CACNG2: variants seen among roughly 807,000 people sequenced by gnomAD.
CACNG2 encodes the protein calcium voltage-gated channel auxiliary subunit gamma 2.
A neutral mutation model predicts 25.9 loss-of-function variants in CACNG2; 3 were observed. That is an observed-to-expected ratio of 0.12 (90% CI 0.05 to 0.30). The LOEUF is 0.30. Ranked by LOEUF, CACNG2 falls within the 10% of genes least tolerant of loss-of-function variation. CACNG2 has a pLI of 1.00. For missense variants in CACNG2, 341 were observed against 432.5 expected, an observed-to-expected ratio of 0.79 and a Z score of 1.88; for synonymous variants, 167 against 173.3, an observed-to-expected ratio of 0.96 and a Z score of 0.29.
chr22:36,624,572 T>A (rs1265105146), intron 1 of CACNG2, among the ~76,000 whole-genome samples: 1 of 152,196 alleles, frequency 6.6e-6, no homozygotes, highest in Non-Finnish European at 1.5e-5. Context: ...CTTTCTTTCC[T>A]GTTTCTGAAT....
chr22:36,605,400 G>A (rs1935816044), intron 1 of CACNG2, among the ~76,000 whole-genome samples: 1 of 152,152 alleles, frequency 6.6e-6, no homozygotes, highest in Admixed American at 6.5e-5. Flanking sequence ...TATGCACTAG[G>A]AAACCAAAAA....
chr22:36,612,025 G>T (rs1362001522), intron 1 of CACNG2, among the ~76,000 whole-genome samples: 1 of 152,186 alleles, frequency 6.6e-6, no homozygotes, highest in East Asian at 1.9e-4. Flanking sequence ...TAATGTGGGT[G>T]GTTCCAGGGC....
intron 1 of CACNG2, among the ~76,000 whole-genome samples, chr22:36,610,847 G>T (rs1011918872): frequency 6.6e-6 from 1 of 152,178 alleles, no homozygotes; most frequent in African/African-American, 2.4e-5. Flanking sequence ...TGGGGAGACC[G>T]CCAAGGCCTC....
chr22:36,639,402 G>C (rs1270619955), intron 1 of CACNG2, among the ~76,000 whole-genome samples: 5 of 152,168 alleles, frequency 3.3e-5, no homozygotes, highest in Non-Finnish European at 7.3e-5. Context: ...GGACAGGAGG[G>C]GAAAGCGTTT....
chr22:36,636,580 T>C (rs981791540), intron 1 of CACNG2, among the ~76,000 whole-genome samples: 1 of 152,208 alleles, frequency 6.6e-6, no homozygotes, highest in African/African-American at 2.4e-5. Flanking sequence ...ATAGATCTGA[T>C]ATTGAATTTG....
intron 1 of CACNG2, among the ~76,000 whole-genome samples, chr22:36,688,080 A>G (rs938224943): frequency 6.6e-6 from 1 of 152,194 alleles, no homozygotes. Flanking sequence ...GGGTAAAATG[A>G]GAATCCTAAC....
intron 1 of CACNG2, among the ~76,000 whole-genome samples, chr22:36,617,282 T>C (rs1296728407): frequency 6.6e-6 from 1 of 152,236 alleles, no homozygotes; most frequent in African/African-American, 2.4e-5. Flanking sequence ...GAAACTATTT[T>C]TTAAAAATCC....
intron 1 of CACNG2, among the ~76,000 whole-genome samples, chr22:36,660,707 C>T (rs1235313003): frequency 6.6e-6 from 1 of 152,178 alleles, no homozygotes; most frequent in African/African-American, 2.4e-5. Context: ...ACAAAGTGCC[C>T]CAGTTGAAAG....
intron 2 of CACNG2, among the ~76,000 whole-genome samples, chr22:36,576,548 A>C (rs943094612): frequency 2.5e-4 from 37 of 147,766 alleles, no homozygotes; most frequent in African/African-American, 8.5e-4. Context: ...AAAAAAAAAA[A>C]CACTCCAAAA....
chr22:36,616,531 G>A (rs956320563), intron 1 of CACNG2, among the ~76,000 whole-genome samples: 6 of 152,178 alleles, frequency 3.9e-5, no homozygotes, highest in Admixed American at 3.9e-4. Context: ...GGAAACTAGA[G>A]AGTATTGCTG....
At chr22:36,689,496 G>A (rs1329190644) in intron 1 of CACNG2, among the ~76,000 whole-genome samples, 1 of 152,160 alleles carries the variant, frequency 6.6e-6, no homozygotes, top group Non-Finnish European at 1.5e-5. Context: ...ACAGAGTCTG[G>A]CTTACATTAA....
At chr22:36,593,225 C>T (rs1003513571) in intron 1 of CACNG2, among the ~76,000 whole-genome samples, 1 of 152,168 alleles carries the variant, frequency 6.6e-6, no homozygotes, top group Non-Finnish European at 1.5e-5. Flanking sequence ...TGAGGCAGCA[C>T]CGGCACATCA....
At chr22:36,693,320 A>T (rs985541845) in intron 1 of CACNG2, among the ~76,000 whole-genome samples, 11 of 152,144 alleles carry the variant, frequency 7.2e-5, no homozygotes, top group African/African-American at 2.7e-4. Context: ...AAGTGAGAAG[A>T]GAAGGGGAGA....
chr22:36,663,622 T>G (rs1290627618), intron 1 of CACNG2, among the ~76,000 whole-genome samples: 2 of 152,190 alleles, frequency 1.3e-5, no homozygotes, highest in Non-Finnish European at 2.9e-5. Context: ...TATTAATGCG[T>G]CGCGAGGGGG....
At chr22:36,600,083 C>CCAGTCT (rs1935731430) in intron 1 of CACNG2, among the ~76,000 whole-genome samples, 3 of 152,234 alleles carry the variant, frequency 2.0e-5, no homozygotes, top group Non-Finnish European at 2.9e-5. Flanking sequence ...GCTCCAGCCG[C>CCAGTCT]CATCTTGGTC....
intron 2 of CACNG2, among the ~76,000 whole-genome samples, chr22:36,569,935 G>A (rs79350774): frequency 0.018 from 2,787 of 152,344 alleles, 42 homozygotes; most frequent in Non-Finnish European, 0.029. Flanking sequence ...AAGAAAGAAA[G>A]AGGTCGGTGT....
In CACNG2 at chr22:36,654,651, C is replaced by A. The variant is rs374201204; in HGVS notation, c.211+47715G>T. 6.6e-5 allele frequency among the ~76,000 whole-genome samples: 10 copies of A among 152,122 alleles called. 1 individual carries two copies. The highest frequency in any genetic ancestry group is 6.2e-4 in the South Asian group (3 of 4,810). ...CTCTTAAGAGTCAAAAGTCAGAAGC[C>A]GGATTTGGCAGGCTATTGAGAAGAG... On this transcript the variant is annotated intron_variant, in intron 1 of 3. Coordinates refer to ENST00000300105, the MANE Select transcript of CACNG2 (RefSeq NM_006078.5).
intron 1 of CACNG2, among the ~76,000 whole-genome samples, chr22:36,676,431 C>T (rs41304669): frequency 0.012 from 1,760 of 152,190 alleles, 17 homozygotes; most frequent in South Asian, 0.015. Flanking sequence ...GCACATAGCC[C>T]GGTACAGGAT....
chr22:36,610,231 A>T (rs1285278341), intron 1 of CACNG2, among the ~76,000 whole-genome samples: 1 of 151,364 alleles, frequency 6.6e-6, no homozygotes, highest in African/African-American at 2.4e-5. Context: ...TTGGGCAGGA[A>T]TCAGCTCCCC....
Sources: gnomAD v4.1 joint callset for allele counts (sites outside exome capture counted in the v4.1 genomes callset) on GRCh38, gnomAD v4.1.1 for gene constraint, MANE v1.5 for transcripts, NCBI Gene and HGNC (gene_info 2026-07-23, HGNC 2026-07-21) for gene names.